ACAP2: variants seen among roughly 807,000 people sequenced by gnomAD.
The protein encoded by ACAP2 is ArfGAP with coiled-coil, ankyrin repeat and PH domains 2.
A neutral mutation model predicts 115.8 loss-of-function variants in ACAP2; 39 were observed. The observed-to-expected ratio is 0.34, with a 90% confidence interval of 0.26 to 0.44. ACAP2 has a LOEUF of 0.44. Ranked by LOEUF, ACAP2 falls within the 20% of genes least tolerant of loss-of-function variation. The pLI is 1.00. For missense variants in ACAP2, 662 were observed against 927.6 expected (o/e 0.71, Z 3.72); for synonymous variants, 289 against 315.8 (o/e 0.92, Z 0.90).
chr3:195,417,303 G>A (rs1713815344), intron 1 of ACAP2, among the ~76,000 whole-genome samples: 1 of 151,730 alleles, frequency 6.6e-6, no homozygotes, highest in African/African-American at 2.4e-5. Flanking sequence ...CTACCTGAAT[G>A]TACCATGCAT....
chr3:195,334,658 G>A (rs914781622), intron 7 of ACAP2, among the ~76,000 whole-genome samples: 2 of 152,126 alleles, frequency 1.3e-5, no homozygotes, highest in African/African-American at 2.4e-5. Context: ...ATGAGATCAT[G>A]CTTTCTATCC....
chr3:195,291,100 A>G (rs1035322883), intron 20 of ACAP2, among the ~76,000 whole-genome samples: 1 of 152,170 alleles, frequency 6.6e-6, no homozygotes, highest in African/African-American at 2.4e-5. Context: ...ACCCTGAGAT[A>G]TCTTATTAAG....
At chr3:195,439,224 A>G (rs1222835015) in intron 1 of ACAP2, among the ~76,000 whole-genome samples, 2 of 146,302 alleles carry the variant, frequency 1.4e-5, no homozygotes, top group Non-Finnish European at 3.0e-5. Flanking sequence ...AGAGAGAGAG[A>G]GTCTAGCTCT....
At chr3:195,403,667 T>C (rs113514240) in intron 1 of ACAP2, among the ~76,000 whole-genome samples, 2 of 152,320 alleles carry the variant, frequency 1.3e-5, no homozygotes, top group African/African-American at 4.8e-5. Flanking sequence ...CAAGTATAAT[T>C]TCAAAGTTTC....
At chr3:195,293,580 G>A (rs1003719320) in intron 18 of ACAP2, among the ~76,000 whole-genome samples, 1 of 152,236 alleles carries the variant, frequency 6.6e-6, no homozygotes, top group Non-Finnish European at 1.5e-5. Flanking sequence ...GCTGGCTGAC[G>A]CCTATAATCC....
intron 13 of ACAP2, among the ~76,000 whole-genome samples, chr3:195,302,998 T>C (rs1728168307): frequency 6.6e-6 from 1 of 151,992 alleles, no homozygotes; most frequent in African/African-American, 2.4e-5. Context: ...TGGATCACTT[T>C]AGGCCAGGAG....
chr3:195,329,702 T>C (rs1221457769), intron 8 of ACAP2, among the ~76,000 whole-genome samples: 1 of 152,140 alleles, frequency 6.6e-6, no homozygotes, highest in Non-Finnish European at 1.5e-5. Context: ...AGGTAACAAC[T>C]TTTTGCTGCT....
chr3:195,283,669 G>A (rs1400786988), intron 22 of ACAP2, among the ~76,000 whole-genome samples: 1 of 152,178 alleles, frequency 6.6e-6, no homozygotes, highest in East Asian at 1.9e-4. Flanking sequence ...CAATTGCTAT[G>A]CCATTTCACC....
At chr3:195,335,073 G>A (rs1730414385) in intron 7 of ACAP2, among the ~76,000 whole-genome samples, 1 of 151,986 alleles carries the variant, frequency 6.6e-6, no homozygotes, top group Non-Finnish European at 1.5e-5. Context: ...TGATTTAAAG[G>A]CAATGAAAAT....
chr3:195,301,447 G>A (rs919885080), intron 15 of ACAP2, 128 bp downstream of exon 15: 2 of 729,350 alleles, frequency 2.7e-6, no homozygotes, highest in African/African-American at 3.6e-5. Context: ...AGCCTCAGAT[G>A]TGTTTCAATA....
At chr3:195,337,069 C>A (rs1730555463) in intron 6 of ACAP2, 93 bp from the exon 7 acceptor site, 1 of 1,203,106 alleles carries the variant, frequency 8.3e-7, no homozygotes, top group Non-Finnish European at 1.2e-6. Flanking sequence ...TGGTTTAATA[C>A]TTTTCGAAAA....
chr3:195,425,210 T>C (rs1349929005), intron 1 of ACAP2, among the ~76,000 whole-genome samples: 1 of 152,082 alleles, frequency 6.6e-6, no homozygotes, highest in Admixed American at 6.6e-5. Flanking sequence ...TAGCTTAGAC[T>C]AGTCAGAGTC....
At position 195,275,362 on chromosome 3, in the gene ACAP2, G is replaced by T. The variant is rs1369681875; in HGVS notation, c.*3966C>A. The T allele has an allele frequency of 1.3e-5, 2 of 152,206 alleles. No homozygotes were observed. Among genetic ancestry groups the T allele is most frequent in the South Asian group, 2.1e-4 (1 of 4,828 alleles). 9.4% of individuals were successfully genotyped at this position (152,206 alleles called of 1,614,324 possible). A position where few individuals can be genotyped will look rare whatever the true frequency, so the allele number is the denominator to read the frequency against. Reference sequence around the variant, plus strand: ...TGTAGATGTCATTTGGAAGCATCAAGAAATTGATAAGTATGTGGTGAATTA... The same window carrying T: ...TGTAGATGTCATTTGGAAGCATCAATAAATTGATAAGTATGTGGTGAATTA... On this transcript the variant is annotated 3_prime_UTR_variant, in exon 23 of 23. Coordinates refer to ENST00000326793, the MANE Select transcript of ACAP2 (RefSeq NM_012287.6).
rs1209322478 is a variant in ACAP2 at position 195,442,937 on chromosome 3, G to A, written c.-90C>T. 3 of 1,217,914 alleles carry A rather than the reference G, an allele frequency of 2.5e-6. No individual in the cohort carries two copies. The highest frequency in any genetic ancestry group is 3.6e-5 in the Admixed American group (1 of 27,978). 75.4% of individuals were successfully genotyped at this position (1,217,914 alleles called of 1,614,324 possible). On this transcript the variant is annotated 5_prime_UTR_variant, in exon 1 of 23. Coordinates refer to ENST00000326793, the MANE Select transcript of ACAP2 (RefSeq NM_012287.6). ...ACGCAGACGGCTACGGCGGGCGCAC[G>A]GCCGCGACTAGCGTTGCGCGGAGCT...
At chr3:195,418,566 G>A (rs910471051) in intron 1 of ACAP2, among the ~76,000 whole-genome samples, 2 of 152,054 alleles carry the variant, frequency 1.3e-5, no homozygotes, top group African/African-American at 4.8e-5. Context: ...CAGGTAGCTG[G>A]GACTACAGAC....
chr3:195,357,493 G>T (rs942888552), intron 4 of ACAP2, among the ~76,000 whole-genome samples: 1 of 152,102 alleles, frequency 6.6e-6, no homozygotes, highest in Non-Finnish European at 1.5e-5. Context: ...ACAGCTTGCA[G>T]CCAGGTAATA....
At chr3:195,424,244 GGTGTGT>G (rs58166272) in intron 1 of ACAP2, among the ~76,000 whole-genome samples, 7 of 69,634 alleles carry the variant, frequency 1.0e-4, no homozygotes, top group East Asian at 4.4e-4. Context: ...GTGTGTGTGT[GGTGTGT>G]GTGTGTGTGT....
intron 9 of ACAP2, 168 bp downstream of exon 9, chr3:195,326,717 C>A: frequency 1.8e-6 from 1 of 557,100 alleles, no homozygotes; most frequent in Non-Finnish European, 3.1e-6. Context: ...AAATACATAC[C>A]TTAAAATCTG....
chr3:195,305,018 G>A (rs571905193), intron 13 of ACAP2, among the ~76,000 whole-genome samples: 1 of 152,156 alleles, frequency 6.6e-6, no homozygotes, highest in African/African-American at 2.4e-5. Context: ...CTAAGCAATG[G>A]GGGTTTTTCA....
Sources: gnomAD v4.1 joint callset for allele counts (sites outside exome capture counted in the v4.1 genomes callset) on GRCh38, gnomAD v4.1.1 for gene constraint, MANE v1.5 for transcripts, NCBI Gene and HGNC (gene_info 2026-07-23, HGNC 2026-07-21) for gene names.